The following IL5RA variants were observed in gnomAD, a reference collection of about 807,000 sequenced individuals.
The protein encoded by IL5RA is interleukin 5 receptor subunit alpha.
A neutral mutation model predicts 50.0 loss-of-function variants in IL5RA; 49 were observed. That is an observed-to-expected ratio of 0.98 (90% confidence interval 0.78 to 1.24). The LOEUF (loss-of-function observed/expected upper bound fraction) is 1.24, where lower values mean the gene tolerates loss of function less well. Ranked by LOEUF, IL5RA falls within the 50% of genes most tolerant of loss-of-function variation. IL5RA has a pLI of 0.00. For synonymous variants in IL5RA, 202 were observed against 174.0 expected (o/e 1.16, Z -1.26); for missense variants, 600 against 500.4 (o/e 1.20, Z -1.90).
rs1703151290 is a variant in IL5RA at position 3,092,234 on chromosome 3, A to G, written c.984T>C (p.Pro328=). ...EAGLWSEWSQ[P]IYVGNDEHKP... is the part of the protein sequence containing the mutation. Reference sequence around the variant, plus strand: ...ACATAAGCTACTTACCCACATAAATAGGTTGGCTCCACTCACTCCAGAGCC... The same window carrying G: ...ACATAAGCTACTTACCCACATAAATGGGTTGGCTCCACTCACTCCAGAGCC... The change falls in exon 9 of 12, where the codon CCT becomes CCC. Residue 328 remains proline, a synonymous_variant. Coordinates refer to ENST00000446632, the MANE Select transcript of IL5RA (RefSeq NM_175726.4). This position sits in a 1 kb window ranked among gnomAD's most constrained non-coding sequence, Gnocchi z 4.2. The G allele has an allele frequency of 1.9e-6, 3 of 1,613,132 alleles. No homozygotes were observed. The East Asian group carries it at 6.7e-5, about 36-fold the overall frequency.
intron 9 of IL5RA, among the ~76,000 whole-genome samples, chr3:3,088,088 A>G (rs1001124473): frequency 6.6e-6 from 1 of 152,194 alleles, no homozygotes; most frequent in African/African-American, 2.4e-5. Flanking sequence ...CTGGGGGAAA[A>G]CTATAATGAG....
intron 10 of IL5RA, among the ~76,000 whole-genome samples, chr3:3,075,850 G>T (rs1400322607): frequency 4.0e-5 from 6 of 151,748 alleles, no homozygotes; most frequent in Admixed American, 6.6e-5. Context: ...TCCACCCGCT[G>T]TGGCCTCCCA....
intron 7 of IL5RA, among the ~76,000 whole-genome samples, chr3:3,095,893 T>C (rs1042874672): frequency 8.5e-5 from 13 of 152,190 alleles, no homozygotes; most frequent in Admixed American, 7.9e-4. Context: ...GATTCAGTTT[T>C]TAATTTTAAT....
chr3:3,091,001 A>C (rs1304227306), intron 9 of IL5RA, among the ~76,000 whole-genome samples: 1 of 152,182 alleles, frequency 6.6e-6, no homozygotes, highest in African/African-American at 2.4e-5. Flanking sequence ...GTATATTATT[A>C]TCCTTCATGG....
intron 10 of IL5RA, among the ~76,000 whole-genome samples, chr3:3,075,547 C>T (rs1702449372): frequency 6.6e-6 from 1 of 151,684 alleles, no homozygotes; most frequent in Admixed American, 6.6e-5. Flanking sequence ...TTCCCCCAAA[C>T]TGTAGATGCC....
rs546165496 is a variant in IL5RA at position 3,098,411 on chromosome 3, AT to A, written c.368-122del. On this transcript the variant is annotated intron_variant, in intron 5 of 11. Transcript: ENST00000446632. ...ATCACCAAAAAATAATCATCTTCAC[AT>A]TTTTTTTTCCCTTGAGACAGAGCCT... 4,141 of 840,676 alleles carry A rather than the reference AT, an allele frequency of 4.9e-3. 18 individuals are homozygous for A. Among genetic ancestry groups the A allele is most frequent in the South Asian group, 6.4e-3 (367 of 57,044 alleles). The allele number at this position is 840,676 out of a possible 1,614,324, so 52.1% of individuals were successfully genotyped here.
chr3:3,098,975 G>T (rs1703498911), intron 5 of IL5RA, among the ~76,000 whole-genome samples: 1 of 152,146 alleles, frequency 6.6e-6, no homozygotes, highest in Non-Finnish European at 1.5e-5. Flanking sequence ...ACTCTTCTGG[G>T]CTCTGTGTTT....
chr3:3,073,751 C>T (rs1008402653), intron 11 of IL5RA: 57 of 449,324 alleles, frequency 1.3e-4, no homozygotes, highest in Admixed American at 2.2e-4. Flanking sequence ...AACACAATCT[C>T]ACCCCAAATC....
intron 9 of IL5RA, among the ~76,000 whole-genome samples, chr3:3,084,468 A>T (rs1472522208): frequency 6.6e-6 from 1 of 152,256 alleles, no homozygotes; most frequent in African/African-American, 2.4e-5. Context: ...ATGTTCATTA[A>T]GATGAATCTT....
intron 9 of IL5RA, chr3:3,090,236 A>T (rs1703029931): frequency 6.2e-7 from 1 of 1,606,000 alleles, no homozygotes; most frequent in South Asian, 1.1e-5. Flanking sequence ...GCTGGATGTT[A>T]TCTCCTTTAT....
rs1702159363 is a variant in IL5RA, at chr3:3,067,284, A to T, written c.*2941T>A. The T allele has an allele frequency of 6.6e-6, 1 of 152,224 alleles. No homozygotes were observed. The highest frequency in any genetic ancestry group is 2.1e-4 in the South Asian group (1 of 4,824). The allele number at this position is 152,224 out of a possible 1,614,324, so 9.4% of individuals were successfully genotyped here. On this transcript the variant is annotated 3_prime_UTR_variant, in exon 12 of 12. Coordinates refer to ENST00000446632, the MANE Select transcript of IL5RA (RefSeq NM_175726.4). ...TTCTAACTAACCGCATTCTCATTAG[A>T]TACCCAGCTTCCTCCCCCTGTCATT...
At chr3:3,078,251 C>A (rs1196143287) in intron 9 of IL5RA, among the ~76,000 whole-genome samples, 1 of 152,146 alleles carries the variant, frequency 6.6e-6, no homozygotes, top group Non-Finnish European at 1.5e-5. Flanking sequence ...TAGCCTAAGA[C>A]TTCCAAAATA....
In IL5RA at chr3:3,092,113, A is replaced by C; in HGVS notation, c.994+111T>G. ...GTAGACCGAGAGAAAATTAGTCACA[A>C]TAGAGATATGAAACCATTTTAAGAC... On this transcript the variant is annotated intron_variant, in intron 9 of 11. Transcript: ENST00000446632. The surrounding 1 kb of genome is among the most constrained non-coding windows in gnomAD (Gnocchi z 4.2). 1 of 1,498,504 alleles carries C rather than the reference A, an allele frequency of 6.7e-7. No individual in the cohort carries two copies. Among genetic ancestry groups the C allele is most frequent in the Admixed American group, 2.4e-5 (1 of 42,052 alleles). The allele number at this position is 1,498,504 out of a possible 1,614,324, so 92.8% of individuals were successfully genotyped here.
intron 9 of IL5RA, among the ~76,000 whole-genome samples, chr3:3,079,264 G>A (rs559613487): frequency 2.6e-5 from 4 of 152,230 alleles, no homozygotes; most frequent in East Asian, 1.9e-4. Context: ...TAAACTGTCC[G>A]TAGGTAAAAC....
chr3:3,079,411 A>G (rs1702590681), intron 9 of IL5RA, among the ~76,000 whole-genome samples: 1 of 152,116 alleles, frequency 6.6e-6, no homozygotes, highest in African/African-American at 2.4e-5. Flanking sequence ...CCTCGAAGTC[A>G]CTTTGACTCT....
At chr3:3,087,609 G>A (rs767857381) in intron 9 of IL5RA, among the ~76,000 whole-genome samples, 9 of 143,242 alleles carry the variant, frequency 6.3e-5, no homozygotes, top group Non-Finnish European at 1.2e-4. Flanking sequence ...AGTATCTCAG[G>A]ACCTCCATTT....
intron 11 of IL5RA, among the ~76,000 whole-genome samples, chr3:3,072,984 C>T (rs1702351715): frequency 6.6e-6 from 1 of 152,124 alleles, no homozygotes; most frequent in African/African-American, 2.4e-5. Context: ...AGCACACATC[C>T]AGAACAGGCA....
chr3:3,107,243 A>T (rs1010550289), intron 2 of IL5RA, among the ~76,000 whole-genome samples: 1 of 97,844 alleles, frequency 1.0e-5, no homozygotes, highest in Non-Finnish European at 2.2e-5. Context: ...TATTAAAAAG[A>T]ATGACATTTT....
intron 4 of IL5RA, among the ~76,000 whole-genome samples, chr3:3,102,215 GC>G (rs1340559828): frequency 2.0e-5 from 3 of 152,178 alleles, no homozygotes; most frequent in African/African-American, 4.8e-5. Flanking sequence ...CCTGAATGTA[GC>G]CCCGAGGTAA....
Sources: gnomAD v4.1 joint callset for allele counts (sites outside exome capture counted in the v4.1 genomes callset) on GRCh38, gnomAD v4.1.1 for gene constraint, Gnocchi (gnomAD v3.1) non-coding constraint, MANE v1.5 for transcripts, NCBI Gene and HGNC (gene_info 2026-07-23, HGNC 2026-07-21) for gene names.